SLC24A3: variants seen among roughly 807,000 people sequenced by gnomAD.
The protein encoded by SLC24A3 is sodium/potassium/calcium exchanger 3.
A neutral mutation model predicts 75.8 loss-of-function variants in SLC24A3; 28 were observed. That is an observed-to-expected ratio of 0.37 (90% CI 0.27 to 0.51). The LOEUF (loss-of-function observed/expected upper bound fraction) is 0.51. Among genes scored for constraint, SLC24A3 ranks in the 20% least tolerant of loss-of-function variants. SLC24A3 has a pLI of 0.94. For synonymous variants in SLC24A3, 372 were observed against 334.1 expected (o/e 1.11, Z -1.24); for missense variants, 663 against 847.8 (o/e 0.78, Z 2.71).
intron 2 of SLC24A3, among the ~76,000 whole-genome samples, chr20:19,439,959 C>T (rs530699072): frequency 9.0e-4 from 137 of 152,196 alleles, no homozygotes; most frequent in African/African-American, 2.9e-3. Context: ...GGGTTTCTGA[C>T]GGGATGTTGG....
chr20:19,666,277 C>A (rs1329387730), intron 8 of SLC24A3, among the ~76,000 whole-genome samples: 1 of 151,514 alleles, frequency 6.6e-6, no homozygotes, highest in Admixed American at 6.6e-5. Flanking sequence ...GAGGCCGAGG[C>A]GGGTGGATCA....
chr20:19,568,284 G>T (rs6035380), intron 3 of SLC24A3, among the ~76,000 whole-genome samples: 4,362 of 152,146 alleles, frequency 0.029, 204 homozygotes, highest in African/African-American at 0.099. Flanking sequence ...CCACTTCTGG[G>T]TTTATACCCA....
intron 6 of SLC24A3, among the ~76,000 whole-genome samples, chr20:19,647,774 A>G (rs1053183557): frequency 1.2e-4 from 19 of 152,350 alleles, no homozygotes; most frequent in Middle Eastern, 3.4e-3. Flanking sequence ...CAGCAAGATC[A>G]ATGAAGAGCA....
At chr20:19,304,956 T>G (rs1368208249) in intron 2 of SLC24A3, among the ~76,000 whole-genome samples, 2 of 152,218 alleles carry the variant, frequency 1.3e-5, no homozygotes, top group Non-Finnish European at 2.9e-5. Context: ...CCTTTTTGAA[T>G]GCAAAGTAAC....
intron 6 of SLC24A3, among the ~76,000 whole-genome samples, chr20:19,592,993 G>A (rs945121929): frequency 6.6e-6 from 1 of 151,740 alleles, no homozygotes; most frequent in African/African-American, 2.4e-5. Context: ...ACAGGGTTTC[G>A]CCATGTTAGT....
intron 3 of SLC24A3, among the ~76,000 whole-genome samples, chr20:19,532,450 GC>G (rs2030320045): frequency 6.6e-6 from 1 of 152,198 alleles, no homozygotes; most frequent in Admixed American, 6.5e-5. Flanking sequence ...CCACAGTGGG[GC>G]CCCATCTTGG....
intron 3 of SLC24A3, among the ~76,000 whole-genome samples, chr20:19,563,465 G>A (rs745653109): frequency 1.4e-4 from 22 of 152,022 alleles, no homozygotes; most frequent in Non-Finnish European, 3.1e-4. Context: ...TGTGCCAGGG[G>A]AAATGAATTA....
chr20:19,632,759 G>C (rs906824216), intron 6 of SLC24A3, among the ~76,000 whole-genome samples: 5 of 152,138 alleles, frequency 3.3e-5, no homozygotes, highest in African/African-American at 1.2e-4. Context: ...CTGCAGAATA[G>C]GTGTCCCTGA....
chr20:19,327,874 A>G (rs1984907789), intron 2 of SLC24A3, among the ~76,000 whole-genome samples: 1 of 152,238 alleles, frequency 6.6e-6, no homozygotes, highest in Admixed American at 6.5e-5. Flanking sequence ...GGAACAAAGA[A>G]GGAAAAGTCC....
chr20:19,324,265 A>C (rs2122281500), intron 2 of SLC24A3, among the ~76,000 whole-genome samples: 1 of 152,332 alleles, frequency 6.6e-6, no homozygotes, highest in Non-Finnish European at 1.5e-5. Flanking sequence ...CCTTCCCCTC[A>C]TTAGAGAAGG....
intron 6 of SLC24A3, among the ~76,000 whole-genome samples, chr20:19,618,966 G>T (rs1270114382): frequency 4.6e-5 from 7 of 152,140 alleles, no homozygotes; most frequent in Admixed American, 4.6e-4. Context: ...TAAAACCACG[G>T]CAGGGTGAAC....
rs932934827 is a variant in SLC24A3 at position 19,654,118 on chromosome 20, T to G, written c.669T>G (p.Ser223=). 3 of 1,613,720 alleles carry G rather than the reference T, an allele frequency of 1.9e-6. No homozygotes were observed. Among genetic ancestry groups the G allele is most frequent in the Non-Finnish European group, 1.7e-6 (2 of 1,179,742 alleles). Residue 223 remains serine (S), a synonymous_variant, in exon 7 of 17, where the codon TCT becomes TCG. Transcript: ENST00000328041. Reference sequence around the variant, plus strand: ...GGGATTCTATTTACTACACGCTGTCTGTGATCGCGCTCATCGTGGTGAGTC... The same window carrying G: ...GGGATTCTATTTACTACACGCTGTCGGTGATCGCGCTCATCGTGGTGAGTC... The part of the protein sequence containing the change: ...LLRDSIYYTL[S]VIALIVFIYD...
chr20:19,555,082 T>G (rs2030761741), intron 3 of SLC24A3, among the ~76,000 whole-genome samples: 1 of 152,352 alleles, frequency 6.6e-6, no homozygotes. Flanking sequence ...AAGCCAACTC[T>G]GAGTTAGCCG....
At chr20:19,648,444 C>A (rs2032163053) in intron 6 of SLC24A3, among the ~76,000 whole-genome samples, 1 of 151,008 alleles carries the variant, frequency 6.6e-6, no homozygotes, top group South Asian at 2.1e-4. Context: ...GTTTTGTTTG[C>A]TTCAACAGTT....
chr20:19,510,845 G>T (rs770555651), intron 2 of SLC24A3, among the ~76,000 whole-genome samples: 2 of 152,180 alleles, frequency 1.3e-5, no homozygotes, highest in South Asian at 2.1e-4. Flanking sequence ...GTATTCTGTT[G>T]TATCAGGCTA....
intron 1 of SLC24A3, among the ~76,000 whole-genome samples, chr20:19,269,241 C>G (rs1206248799): frequency 6.6e-6 from 1 of 152,246 alleles, no homozygotes; most frequent in Non-Finnish European, 1.5e-5. Flanking sequence ...CATCACTGCA[C>G]AGGGTCCTTT....
intron 2 of SLC24A3, among the ~76,000 whole-genome samples, chr20:19,322,578 C>T (rs143720069): frequency 0.011 from 1,748 of 152,294 alleles, 16 homozygotes; most frequent in Non-Finnish European, 0.016. Flanking sequence ...TTTTGACTTT[C>T]AAAGGCTTGG....
chr20:19,625,621 C>CT (rs2031857271), intron 6 of SLC24A3, among the ~76,000 whole-genome samples: 1 of 152,174 alleles, frequency 6.6e-6, no homozygotes, highest in East Asian at 1.9e-4. Context: ...CAGTTCTTTT[C>CT]TAAGGGATGG....
intron 1 of SLC24A3, among the ~76,000 whole-genome samples, chr20:19,249,137 A>G (rs1430703270): frequency 6.6e-6 from 1 of 152,122 alleles, no homozygotes; most frequent in Non-Finnish European, 1.5e-5. Flanking sequence ...TTTGTATCTC[A>G]CAAATAGATC....
Sources: gnomAD v4.1 joint callset for allele counts (sites outside exome capture counted in the v4.1 genomes callset) on GRCh38, gnomAD v4.1.1 for gene constraint, MANE v1.5 for transcripts, NCBI Gene and HGNC (gene_info 2026-07-23, HGNC 2026-07-21) for gene names.